The following ALDH4A1 variants were observed in gnomAD, a reference collection of about 807,000 sequenced individuals.
The protein encoded by ALDH4A1 is aldehyde dehydrogenase 4 family member A1.
Under a neutral mutation model 70.5 loss-of-function variants are expected in ALDH4A1, and 46 were observed. The ratio of observed to expected loss-of-function variants is 0.65; its 90% CI spans 0.51 to 0.83. ALDH4A1 has a LOEUF of 0.83. Ranked by LOEUF, ALDH4A1 falls within the 40% of genes least tolerant of loss-of-function variation. The probability of loss-of-function intolerance (pLI) is 0.00; values close to 1 mark genes in which losing one functional copy is unlikely to be tolerated. For missense variants in ALDH4A1, 749 were observed against 766.5 expected (o/e 0.98, Z 0.27); for synonymous variants, 323 against 324.3 (o/e 1.00, Z 0.04).
chr1:18,885,441 G>GCCCCCCCCCCC, intron 5 of ALDH4A1, 32 bp downstream of exon 5: 5 of 423,746 alleles, frequency 1.2e-5, no homozygotes, highest in Non-Finnish European at 1.9e-5. Flanking sequence ...ACCCCACCCC[G>GCCCCCCCCCCC]CCCCACCCAC....
At chr1:18,892,575 G>A (rs1935480352) in intron 1 of ALDH4A1, among the ~76,000 whole-genome samples, 2 of 151,608 alleles carry the variant, frequency 1.3e-5, no homozygotes, top group African/African-American at 4.8e-5. Flanking sequence ...GGGCTGAGAG[G>A]GGCCTGCGTG....
chr1:18,885,519 C>G lies in ALDH4A1; in HGVS notation c.407G>C (p.Ser136Thr). ...QIFLKAADMLSGPRRAEILAK... is the reference protein window; with the variant it reads ...QIFLKAADMLTGPRRAEILAK... The stretch of plus-strand genomic sequence containing the variant: ...GAGGATCTCAGCCCTGCGCGGCCCA[C>G]TCAGCATGTCTGCCGCCTTCAGGAA... The change falls in exon 5 of 15, where the codon AGT (serine) becomes ACT (threonine). Residue 136 changes from serine (S) to threonine (T), a missense_variant. By Grantham distance (58) the Ser-to-Thr change is moderately conservative. Coordinates refer to ENST00000375341, the MANE Select transcript of ALDH4A1 (RefSeq NM_003748.4). 1 of 1,602,764 alleles carries G rather than the reference C, an allele frequency of 6.2e-7. No individual in the cohort carries two copies. The highest frequency in any genetic ancestry group is 8.5e-7 in the Non-Finnish European group (1 of 1,174,672).
rs758299877 is a variant in ALDH4A1, at chr1:18,881,708, G to C, written c.858C>G (p.Gly286=). The change falls in exon 8 of 15, where the codon GGC becomes GGG. Residue 286 remains glycine (G), a synonymous_variant. Coordinates refer to ENST00000375341, the MANE Select transcript of ALDH4A1 (RefSeq NM_003748.4). ...SEHLCGINFT[G]SVPTFKHLWK... Reference sequence around the variant, plus strand: ...CATCCCCAGGGACTTACGGCACACTGCCTGTGAAGTTGATGCCACAGAGGT... The same window carrying C: ...CATCCCCAGGGACTTACGGCACACTCCCTGTGAAGTTGATGCCACAGAGGT... The C allele has an allele frequency of 6.2e-7, 1 of 1,614,122 alleles. No homozygotes were observed. The highest frequency in any genetic ancestry group is 1.7e-5 in the Admixed American group (1 of 60,030).
chr1:18,900,932 G>A (rs1935777860), intron 1 of ALDH4A1: 1 of 983,126 alleles, frequency 1.0e-6, no homozygotes, highest in Non-Finnish European at 1.2e-6. Flanking sequence ...TGTTATCATG[G>A]GCTTATCTTT....
intron 3 of ALDH4A1, among the ~76,000 whole-genome samples, chr1:18,887,983 AG>A (rs1411429556): frequency 6.6e-6 from 1 of 152,274 alleles, no homozygotes; most frequent in South Asian, 2.1e-4. Flanking sequence ...TTTCCTTCCT[AG>A]GGCTGGCAAG....
intron 1 of ALDH4A1, chr1:18,890,952 G>C (rs1046411284): frequency 1.0e-6 from 1 of 955,586 alleles, no homozygotes; most frequent in African/African-American, 1.8e-5. Context: ...AACTTGGAGA[G>C]CTGCCCTGAG....
chr1:18,879,285 T>G lies in ALDH4A1; in HGVS notation c.940+15A>C. Reference sequence around the variant, plus strand: ...CCTGGGGCCACACGGGAGGAGGAGGTGAGGCAGGCCTTACCTCCAGCCAGG... The same window carrying G: ...CCTGGGGCCACACGGGAGGAGGAGGGGAGGCAGGCCTTACCTCCAGCCAGG... On this transcript the variant is annotated intron_variant, in intron 9 of 14. Transcript: ENST00000375341. 1 of 1,598,520 alleles carries G rather than the reference T, an allele frequency of 6.3e-7. No homozygotes were observed. The highest frequency in any genetic ancestry group is 1.1e-5 in the South Asian group (1 of 88,346).
Position 18,888,782 on chromosome 1 carries a change from C to T in ALDH4A1, c.249+580G>A, listed in dbSNP as rs141470474. On this transcript the variant is annotated intron_variant, in intron 3 of 14. Coordinates refer to ENST00000375341, the MANE Select transcript of ALDH4A1 (RefSeq NM_003748.4). ...GACACTGCTGTGGTCAACTCCTGCC[C>T]CAGGCTGTCCTGGGAACCTTCAGAG... Among the ~76,000 whole-genome samples, 317 of 152,358 alleles carry T rather than the reference C, an allele frequency of 2.1e-3. 1 individual carries two copies. Among genetic ancestry groups the T allele is most frequent in the African/African-American group, 7.2e-3 (300 of 41,580 alleles).
At chr1:18,902,424 C>A in intron 1 of ALDH4A1, 38 bp downstream of exon 1, 1 of 1,309,320 alleles carries the variant, frequency 7.6e-7, no homozygotes, top group Non-Finnish European at 9.7e-7. Flanking sequence ...GGGCCCCAGG[C>A]GCGCGCTCGG....
chr1:18,878,533 G>A (rs947128347), intron 9 of ALDH4A1, among the ~76,000 whole-genome samples: 1 of 152,086 alleles, frequency 6.6e-6, no homozygotes, highest in African/African-American at 2.4e-5. Flanking sequence ...AGCTCTGCTG[G>A]TCACGTGCTG....
chr1:18,888,191 C>G (rs1340309685), intron 3 of ALDH4A1, among the ~76,000 whole-genome samples: 8 of 152,176 alleles, frequency 5.3e-5, no homozygotes, highest in East Asian at 3.8e-4. Context: ...TTCTACTGGC[C>G]GGCGCTGGTC....
rs755670706 is a variant in ALDH4A1, at chr1:18,885,552, GC to G, written c.373del (p.Ala125ProfsTer5). Reference protein sequence around the residue: ...EWDLKPIADRAQIFLKAADML... With the variant: ...EWDLKPIADRXQIFLKAADML... ...GTCTGCCGCCTTCAGGAAGATCTGG[GC>G]CCGGTCTGCAATAGGCTTCAGGTCC... On this transcript the variant is annotated frameshift_variant, in exon 5 of 15. Transcript: ENST00000375341. LOFTEE classifies it high-confidence loss of function. 6.2e-7 allele frequency: 1 copy of G among 1,612,170 alleles called. No individual in the cohort carries two copies. Among genetic ancestry groups the G allele is most frequent in the South Asian group, 1.1e-5 (1 of 90,570 alleles).
In ALDH4A1 at chr1:18,872,802, A is replaced by T; in HGVS notation, c.*43T>A. 6.5e-7 allele frequency: 1 copy of T among 1,544,634 alleles called. No homozygotes were observed. On this transcript the variant is annotated 3_prime_UTR_variant, in exon 15 of 15. Coordinates refer to ENST00000375341, the MANE Select transcript of ALDH4A1 (RefSeq NM_003748.4). ...TGGGGTCTGTGCAGTGAGGTCGGCC[A>T]CCTGGACGGACAGACAGCTGGACGG...
At position 18,876,471 on chromosome 1, in the gene ALDH4A1, G is replaced by T; in HGVS notation, c.1186-4C>A. 1.3e-6 allele frequency: 2 copies of T among 1,583,980 alleles called. No homozygotes were observed. The highest frequency in any genetic ancestry group is 2.3e-5 in the East Asian group (1 of 43,662). On this transcript the variant is annotated splice_region_variant and splice_polypyrimidine_tract_variant and intron_variant, in intron 11 of 14. Transcript: ENST00000375341. ...ACTTCTTGATACGGGCAAAGGACTG[G>T]GGTGGGCAGGGAGGAGGGAGGTCTA...
At chr1:18,891,027 C>T in intron 1 of ALDH4A1, 1 of 286,374 alleles carries the variant, frequency 3.5e-6, no homozygotes, top group Non-Finnish European at 5.2e-6. Context: ...GACACTGAGT[C>T]TCAAGAACTC....
Position 18,883,154 on chromosome 1 carries a change from G to A in ALDH4A1, c.648C>T (p.Gly216=), listed in dbSNP as rs139340058. 1,285 of 1,613,156 alleles carry A rather than the reference G, an allele frequency of 8.0e-4. 7 individuals carry two copies. The African/African-American group carries it at 0.014, about 17-fold the overall frequency. The stretch of plus-strand genomic sequence containing the variant: ...GGGCCGGTGCCCCCGCCAGGTTGCC[G>A]CCGATTGCAGTGAAGTTAAAGGGCG... The part of the protein sequence containing the change: ...AISPFNFTAI[G]GNLAGAPALM... The change falls in exon 7 of 15, where the codon GGC becomes GGT. Residue 216 remains glycine, a synonymous_variant. Transcript: ENST00000375341.
intron 1 of ALDH4A1, among the ~76,000 whole-genome samples, chr1:18,901,221 AC>A (rs1407677633): frequency 1.3e-5 from 2 of 152,082 alleles, no homozygotes; most frequent in Non-Finnish European, 2.9e-5. Flanking sequence ...TAGAAGAGGA[AC>A]CCCTCTGTCC....
chr1:18,877,238 C>T lies in ALDH4A1; in HGVS notation c.1155G>A (p.Gly385=), dbSNP rs751050137. ...IKVGDPAEDF[G]TFFSAVIDAK... is the part of the protein sequence containing the mutation. ...CATCAATCACTGCAGAGAAGAAGGT[C>T]CCAAAATCCTCTGCAGGCTGGAGGC... The change falls in exon 11 of 15, where the codon GGG becomes GGA. Residue 385 remains glycine, a synonymous_variant. Coordinates refer to ENST00000375341, the MANE Select transcript of ALDH4A1 (RefSeq NM_003748.4). 1.2e-6 allele frequency: 2 copies of T among 1,607,948 alleles called. No homozygotes were observed. Among genetic ancestry groups the T allele is most frequent in the Non-Finnish European group, 1.7e-6 (2 of 1,177,008 alleles).
intron 5 of ALDH4A1, 91 bp downstream of exon 5, chr1:18,885,382 A>T (rs72936440): frequency 0.039 from 53,891 of 1,369,928 alleles, 1,852 homozygotes; most frequent in African/African-American, 0.17. Flanking sequence ...AGGACCCAGA[A>T]GCGCTTCAGC....
Sources: gnomAD v4.1 joint callset for allele counts (sites outside exome capture counted in the v4.1 genomes callset) on GRCh38, gnomAD v4.1.1 for gene constraint, MANE v1.5 for transcripts, NCBI Gene and HGNC (gene_info 2026-07-23, HGNC 2026-07-21) for gene names.